CNGB1: variants seen among roughly 807,000 people sequenced by gnomAD.
CNGB1 encodes the protein cyclic nucleotide gated channel subunit beta 1, also known as cyclic nucleotide-gated channel beta-1.
A neutral mutation model predicts 151.7 loss-of-function variants in CNGB1; 126 were observed. That is an observed-to-expected ratio of 0.83 (90% CI 0.72 to 0.96). The LOEUF (loss-of-function observed/expected upper bound fraction) is 0.96, where lower values mean the gene tolerates loss of function less well. CNGB1 is among the 40% of genes least tolerant of loss of function. CNGB1 has a pLI of 0.00. For synonymous variants in CNGB1, 623 were observed against 635.1 expected, an observed-to-expected ratio of 0.98 and a Z score of 0.29; for missense variants, 1,698 against 1,627.0, an observed-to-expected ratio of 1.04 and a Z score of -0.75.
Position 57,960,469 on chromosome 16 carries a change from C to G in CNGB1, c.583+13G>C. 1 of 1,612,818 alleles carries G rather than the reference C, an allele frequency of 6.2e-7. No individual in the cohort carries two copies. The highest frequency in any genetic ancestry group is 8.5e-7 in the Non-Finnish European group (1 of 1,179,452). ...ATCCCAGGCAGCCCCCTCCCGAGCTCCCCTCCCTGTACCTGGGTCTGAGGC... is the reference window on the plus strand; with the variant it reads ...ATCCCAGGCAGCCCCCTCCCGAGCTGCCCTCCCTGTACCTGGGTCTGAGGC... On this transcript the variant is annotated intron_variant, in intron 9 of 32. Coordinates refer to ENST00000251102, the MANE Select transcript of CNGB1 (RefSeq NM_001297.5).
rs1454628486 is a variant in CNGB1 at position 57,962,594 on chromosome 16, G to A, written c.429C>T (p.Pro143=). ...STGDTGCTDE[P]NEALEAQDTR... is the part of the protein sequence containing the mutation. ...TGTCTTGGGCCTCAAGGGCCTCATT[G>A]GGTTCATCTGTGCACCCTGCAGGGT... The change falls in exon 7 of 33, where the codon CCC becomes CCT. Residue 143 remains proline (P), a synonymous_variant. Coordinates refer to ENST00000251102, the MANE Select transcript of CNGB1 (RefSeq NM_001297.5). 6 of 1,613,920 alleles carry A rather than the reference G, an allele frequency of 3.7e-6. No homozygotes were observed. In the African/African-American group the frequency reaches 5.3e-5, roughly 14 times the overall value.
chr16:57,949,685 T>G (rs553021050), intron 13 of CNGB1, among the ~76,000 whole-genome samples: 3 of 152,254 alleles, frequency 2.0e-5, no homozygotes, highest in Non-Finnish European at 4.4e-5. Flanking sequence ...CAGCCTCTGA[T>G]CCTCTCTGGG....
chr16:57,889,044 C>T (rs247037), intron 31 of CNGB1, among the ~76,000 whole-genome samples: 117,089 of 152,138 alleles, frequency 0.77, 45,505 homozygotes, highest in South Asian at 0.87. Context: ...GGGTGGGGTA[C>T]GTGTCTTGCT....
At chr16:57,949,556 C>T (rs1467409276) in intron 13 of CNGB1, 117 bp from the exon 14 acceptor site, 8 of 1,547,860 alleles carry the variant, frequency 5.2e-6, no homozygotes, top group Non-Finnish European at 7.1e-6. Context: ...CCTGGACTTT[C>T]CAACCAAGGC....
chr16:57,926,750 C>T (rs751979487), intron 17 of CNGB1, among the ~76,000 whole-genome samples: 3 of 152,084 alleles, frequency 2.0e-5, no homozygotes, highest in South Asian at 2.1e-4. Flanking sequence ...GAGGCTGAGG[C>T]GGGCAGATCA....
In CNGB1 at chr16:57,915,253, A is replaced by G. The variant is rs1960832667; in HGVS notation, c.2300T>C (p.Leu767Ser). The stretch of plus-strand genomic sequence containing the variant: ...TGGTGGGCCCAGCAGTCCTACCTTT[A>G]AACAGCGGGGCAGGCGGAGGAGGGG... ...VNPLLRLPRC[L>S]KYMAFFEFNS... Residue 767 changes from leucine to serine, a missense_variant, in exon 23 of 33, where the codon TTA becomes TCA. By Grantham distance (145) the Leu-to-Ser change is moderately radical. Transcript: ENST00000251102. 6.2e-7 allele frequency: 1 copy of G among 1,613,444 alleles called. No individual in the cohort carries two copies. The highest frequency in any genetic ancestry group is 1.7e-5 in the Admixed American group (1 of 60,014).
In CNGB1 at chr16:57,964,131, T is replaced by G. The variant is rs1368269878; in HGVS notation, c.289A>C (p.Ser97Arg). 3 of 1,614,034 alleles carry G rather than the reference T, an allele frequency of 1.9e-6. No individual in the cohort carries two copies. Among genetic ancestry groups the G allele is most frequent in the African/African-American group, 2.7e-5 (2 of 75,044 alleles). ...AQGAEISEMN[S>R]PSRRVLTWLM... ...AGAGAGGGGAGGGTGGTGCAGTACCTATTCATTTCAGAAATCTCAGCGCCC... is the reference window on the plus strand; with the variant it reads ...AGAGAGGGGAGGGTGGTGCAGTACCGATTCATTTCAGAAATCTCAGCGCCC... Residue 97 changes from serine (S) to arginine (R), a missense_variant and splice_region_variant, in exon 4 of 33, where the codon AGT becomes CGT. Ser to Arg is a moderately radical substitution (Grantham distance 110). Coordinates refer to ENST00000251102, the MANE Select transcript of CNGB1 (RefSeq NM_001297.5).
intron 10 of CNGB1, 70 bp downstream of exon 10, chr16:57,959,818 T>A: frequency 2.1e-6 from 3 of 1,409,582 alleles, no homozygotes; most frequent in Non-Finnish European, 2.8e-6. Context: ...TCCAGGAGGT[T>A]GGGTGTTAGG....
intron 14 of CNGB1, among the ~76,000 whole-genome samples, chr16:57,944,088 A>G (rs1389166345): frequency 1.3e-5 from 2 of 151,888 alleles, no homozygotes; most frequent in East Asian, 3.9e-4. Flanking sequence ...GGGTTTCACC[A>G]TGTTGGCCAG....
Position 57,912,953 on chromosome 16 carries a change from G to C in CNGB1, c.2346C>G (p.Ile782Met). The C allele has an allele frequency of 1.2e-6, 2 of 1,613,998 alleles. No individual in the cohort carries two copies. The highest frequency in any genetic ancestry group is 1.7e-6 in the Non-Finnish European group (2 of 1,179,900). ...ACCTGTACACGTAGGCTTTGCTGAGGATGGATTCCAGGCGGCTGTTAAACT... is the reference window on the plus strand; with the variant it reads ...ACCTGTACACGTAGGCTTTGCTGAGCATGGATTCCAGGCGGCTGTTAAACT... The part of the protein sequence containing the change: ...FFEFNSRLES[I>M]LSKAYVYRVI... The change falls in exon 24 of 33, where the codon ATC becomes ATG. Residue 782 changes from isoleucine to methionine, a missense_variant. Coordinates refer to ENST00000251102, the MANE Select transcript of CNGB1 (RefSeq NM_001297.5).
chr16:57,896,949 T>G lies in CNGB1; in HGVS notation c.3242+448A>C, dbSNP rs1478130851. Among the ~76,000 whole-genome samples, 3 of 151,982 alleles carry G rather than the reference T, an allele frequency of 2.0e-5. No individual in the cohort carries two copies. The East Asian group carries it at 5.8e-4, about 29-fold the overall frequency. ...GGATACTCTTAAAGAATTAGCAAAA[T>G]CTGAAGATGGATTGTGAATGAGATA... On this transcript the variant is annotated intron_variant, in intron 31 of 32. Transcript: ENST00000251102.
At chr16:57,919,068 A>ACAG in intron 20 of CNGB1, 31 bp downstream of exon 20, 1 of 1,614,040 alleles carries the variant, frequency 6.2e-7, no homozygotes, top group Non-Finnish European at 8.5e-7. Flanking sequence ...CTCATCTTAC[A>ACAG]CAGTGGGAAC....
intron 31 of CNGB1, among the ~76,000 whole-genome samples, chr16:57,891,926 A>G (rs1960101570): frequency 6.6e-6 from 1 of 152,192 alleles, no homozygotes; most frequent in Admixed American, 6.5e-5. Flanking sequence ...ACTGTAATTC[A>G]TGCCTGAATG....
chr16:57,903,752 G>T (rs550383697), intron 27 of CNGB1, 70 bp downstream of exon 27: 50 of 1,569,564 alleles, frequency 3.2e-5, no homozygotes, highest in South Asian at 5.6e-5. Context: ...CGCCCCGAAG[G>T]CATGGCACCG....
intron 18 of CNGB1, among the ~76,000 whole-genome samples, chr16:57,922,437 T>TTTA (rs1961065535): frequency 6.6e-6 from 1 of 150,754 alleles, no homozygotes; most frequent in Non-Finnish European, 1.5e-5. Flanking sequence ...CTTTCTTTTT[T>TTTA]TTTTTTTTGA....
In CNGB1 at chr16:57,904,600, T is replaced by C. The variant is rs114042749; in HGVS notation, c.2634+134A>G. The C allele has an allele frequency of 9.9e-4, 1,245 of 1,252,070 alleles. 10 individuals carry two copies. In the African/African-American group the frequency reaches 0.017, roughly 17 times the overall value. 77.6% of individuals were successfully genotyped at this position (1,252,070 alleles called of 1,614,324 possible). A position where few individuals can be genotyped will look rare whatever the true frequency, so the allele number is the denominator to read the frequency against. On this transcript the variant is annotated intron_variant, in intron 26 of 32. Coordinates refer to ENST00000251102, the MANE Select transcript of CNGB1 (RefSeq NM_001297.5). ...CCGCGCAGGGACCAGTGCTCCAGGC[T>C]CCTGACTCTCAGTCTAGTGCCCTTT... is the stretch of plus-strand genomic sequence containing the variant.
At chr16:57,940,985 A>T (rs1961653322) in intron 14 of CNGB1, among the ~76,000 whole-genome samples, 1 of 152,120 alleles carries the variant, frequency 6.6e-6, no homozygotes, top group African/African-American at 2.4e-5. Context: ...ACCCATGTCC[A>T]TTTGAAGGCA....
intron 12 of CNGB1, among the ~76,000 whole-genome samples, chr16:57,952,285 A>G (rs1211494458): frequency 6.6e-6 from 1 of 152,166 alleles, no homozygotes; most frequent in Non-Finnish European, 1.5e-5. Flanking sequence ...AGGCAGAGCC[A>G]GGTCCCCTGA....
intron 18 of CNGB1, 121 bp downstream of exon 18, chr16:57,923,152 G>A (rs1442015817): frequency 1.1e-5 from 8 of 696,332 alleles, no homozygotes; most frequent in South Asian, 6.8e-5. Context: ...CTTACTGCTC[G>A]GAAGCCACTG....
Sources: allele counts gnomAD v4.1 joint callset (sites outside exome capture counted in the v4.1 genomes callset), GRCh38; gene constraint gnomAD v4.1.1; transcripts MANE v1.5; gene names NCBI Gene and HGNC (gene_info 2026-07-23, HGNC 2026-07-21).